Variants in SLC23A2 observed in about 807,000 individuals in gnomAD.
SLC23A2 encodes the protein solute carrier family 23 member 2, also known as Na(+)/L-ascorbic acid transporter 2.
SLC23A2 carries 36 observed loss-of-function variants against 73.3 expected under a neutral mutation model. That is an observed-to-expected ratio of 0.49 (90% confidence interval 0.38 to 0.65). The LOEUF (loss-of-function observed/expected upper bound fraction) is 0.65, where lower values mean the gene tolerates loss of function less well. SLC23A2 is among the 30% of genes least tolerant of loss of function. The pLI, the probability that SLC23A2 is intolerant of heterozygous loss-of-function variation, is 0.00. For missense variants in SLC23A2, 507 were observed against 841.6 expected, an observed-to-expected ratio of 0.60 and a Z score of 4.92; for synonymous variants, 343 against 327.3, an observed-to-expected ratio of 1.05 and a Z score of -0.52.
chr20:4,887,142 G>GA (rs1931134080), intron 6 of SLC23A2, among the ~76,000 whole-genome samples: 2 of 152,200 alleles, frequency 1.3e-5, no homozygotes, highest in South Asian at 4.1e-4. Context: ...CAAACCAGAT[G>GA]CATTGCTGTT....
chr20:5,003,077 T>C (rs1388391297), upstream of SLC23A2, among the ~76,000 whole-genome samples: 1 of 152,046 alleles, frequency 6.6e-6, no homozygotes, highest in African/African-American at 2.4e-5. Flanking sequence ...CCGTTGAAGA[T>C]GGAGAAAATA....
At chr20:4,861,873 T>C (rs1471492850) in intron 15 of SLC23A2, 75 bp downstream of exon 15, 5 of 1,521,158 alleles carry the variant, frequency 3.3e-6, no homozygotes, top group Non-Finnish European at 3.6e-6. Context: ...TCCTCTCCAA[T>C]GGGCAAAGAG....
chr20:4,887,293 C>A (rs1324536202), intron 6 of SLC23A2, among the ~76,000 whole-genome samples: 2 of 152,198 alleles, frequency 1.3e-5, no homozygotes, highest in Non-Finnish European at 2.9e-5. Flanking sequence ...TCTAGGTATT[C>A]CATAAGCACA....
At chr20:4,924,233 T>G (rs1410968405) in intron 3 of SLC23A2, among the ~76,000 whole-genome samples, 1 of 152,156 alleles carries the variant, frequency 6.6e-6, no homozygotes, top group Admixed American at 6.5e-5. Context: ...TGCCCCTTCT[T>G]TTCAAAGCTC....
Position 4,863,097 on chromosome 20 carries a change from C to T in SLC23A2, c.1357-190G>A, listed in dbSNP as rs549311715. Among the ~76,000 whole-genome samples, 19 of 152,184 alleles carry T rather than the reference C, an allele frequency of 1.2e-4. No individual in the cohort carries two copies. The highest frequency in any genetic ancestry group is 2.1e-4 in the Non-Finnish European group (14 of 68,032). ...CCTCTGCATCTCCAAGCCTTGGTGA[C>T]ACTCCCTGCACTCAGGCCTCAGGGC... On this transcript the variant is annotated intron_variant, in intron 13 of 16. Transcript: ENST00000338244. The surrounding 1 kb of genome is among the most constrained non-coding windows in gnomAD (Gnocchi z 4.8).
chr20:4,926,708 G>C (rs975606512), intron 3 of SLC23A2, among the ~76,000 whole-genome samples: 2 of 151,744 alleles, frequency 1.3e-5, no homozygotes, highest in East Asian at 1.9e-4. Context: ...TGAGTCCTGG[G>C]GCCTGGCACA....
At chr20:5,007,556 A>G (rs2088204600) in intron 1 of SLC23A2, among the ~76,000 whole-genome samples, 1 of 152,166 alleles carries the variant, frequency 6.6e-6, no homozygotes, top group African/African-American at 2.4e-5. Flanking sequence ...AAAAAAGTAA[A>G]CAATTGTAAA....
intron 3 of SLC23A2, among the ~76,000 whole-genome samples, chr20:4,916,545 G>A (rs772612737): frequency 5.9e-5 from 9 of 151,808 alleles, no homozygotes; most frequent in Non-Finnish European, 7.4e-5. Flanking sequence ...ACTTCACCTC[G>A]ATACATTAAA....
At chr20:4,904,475 A>AC (rs397694128) in intron 4 of SLC23A2, among the ~76,000 whole-genome samples, 9 of 151,508 alleles carry the variant, frequency 5.9e-5, no homozygotes, top group African/African-American at 1.5e-4. Context: ...CAAAAAAAAA[A>AC]CCCTTAACTG....
At chr20:4,874,766 T>C (rs1051733355) in intron 9 of SLC23A2, 70 bp from the exon 10 acceptor site, 232 of 1,343,560 alleles carry the variant, frequency 1.7e-4, no homozygotes, top group Non-Finnish European at 2.1e-4. Flanking sequence ...CACTCGAAGC[T>C]TCTATGGCAA....
chr20:4,907,288 T>C (rs74333140), intron 4 of SLC23A2, among the ~76,000 whole-genome samples: 8,017 of 152,126 alleles, frequency 0.053, 256 homozygotes, highest in African/African-American at 0.077. Flanking sequence ...GTGACATCTA[T>C]AGATCCCACA....
At chr20:4,986,654 ACACACAC>A (rs2087833718) in intron 1 of SLC23A2, among the ~76,000 whole-genome samples, 1 of 77,582 alleles carries the variant, frequency 1.3e-5, no homozygotes, top group Non-Finnish European at 2.4e-5. Context: ...ACACATACAC[ACACACAC>A]ACACACACAC....
intron 4 of SLC23A2, among the ~76,000 whole-genome samples, chr20:4,905,072 C>T (rs1389284677): frequency 6.9e-6 from 1 of 144,808 alleles, no homozygotes; most frequent in Non-Finnish European, 1.5e-5. Context: ...CAAGATCACA[C>T]CACTGCACTC....
At position 4,898,304 on chromosome 20, in the gene SLC23A2, C is replaced by T. The variant is rs557311065; in HGVS notation, c.482+1251G>A. Among the ~76,000 whole-genome samples, 3 of 152,326 alleles carry T rather than the reference C, an allele frequency of 2.0e-5. No individual in the cohort carries two copies. The East Asian group carries it at 5.8e-4, about 29-fold the overall frequency. ...CACATAGCTTCTTTCCATCAGCAGA[C>T]CTGCAGCCTACCCTCCCAGGGTGTG... is the stretch of plus-strand genomic sequence containing the variant. On this transcript the variant is annotated intron_variant, in intron 6 of 16. Coordinates refer to ENST00000338244, the MANE Select transcript of SLC23A2 (RefSeq NM_005116.6).
chr20:4,906,655 C>CA (rs1206202846), intron 4 of SLC23A2, among the ~76,000 whole-genome samples: 1 of 151,946 alleles, frequency 6.6e-6, no homozygotes, highest in Non-Finnish European at 1.5e-5. Flanking sequence ...AACCAAAAAA[C>CA]AAAAAACCCA....
chr20:4,887,979 T>C (rs1371280329), intron 6 of SLC23A2, among the ~76,000 whole-genome samples: 1 of 152,120 alleles, frequency 6.6e-6, no homozygotes, highest in Non-Finnish European at 1.5e-5. Context: ...CTTTTTTAGG[T>C]GCTTGCCCAG....
At position 4,883,779 on chromosome 20, in the gene SLC23A2, G is replaced by T. The variant is rs559836828; in HGVS notation, c.687C>A (p.Ile229=). 1 of 1,613,364 alleles carries T rather than the reference G, an allele frequency of 6.2e-7. No individual in the cohort carries two copies. The highest frequency in any genetic ancestry group is 1.3e-5 in the African/African-American group (1 of 74,882). Residue 229 remains isoleucine, a synonymous_variant, in exon 9 of 17, where the codon ATC becomes ATA. Transcript: ENST00000338244. This position sits in a 1 kb window ranked among gnomAD's most constrained non-coding sequence, Gnocchi z 4.5. ...IIMSSLIEVV[I]GLLGLPGALL... Reference sequence around the variant, plus strand: ...GAGCCCCAGGCAGGCCGAGGAGGCCGATGACTACTTCTATCAGTGAGGACA... The same window carrying T: ...GAGCCCCAGGCAGGCCGAGGAGGCCTATGACTACTTCTATCAGTGAGGACA...
intron 3 of SLC23A2, 100 bp downstream of exon 3, chr20:4,932,355 C>A (rs1004394658): frequency 1.3e-6 from 1 of 778,216 alleles, no homozygotes. Context: ...AATGCCTTAA[C>A]CTTCACTGAA....
rs1166466680 is a variant in SLC23A2 at position 4,856,774 on chromosome 20, G to C, written c.*198C>G. ...CACTCTCAAAGGGCAAGGAGTTAAG[G>C]GCTTAAATAAGGAGATAGGCGAGAC... On this transcript the variant is annotated 3_prime_UTR_variant, in exon 17 of 17. Transcript: ENST00000338244. The surrounding 1 kb of genome is among the most constrained non-coding windows in gnomAD (Gnocchi z 4.6). The C allele has an allele frequency of 5.2e-6, 3 of 574,166 alleles. No individual in the cohort carries two copies. Among genetic ancestry groups the C allele is most frequent in the Non-Finnish European group, 9.3e-6 (3 of 322,342 alleles). The allele number at this position is 574,166 out of a possible 1,614,324, so 35.6% of individuals were successfully genotyped here.
Sources: gnomAD v4.1 joint callset for allele counts (sites outside exome capture counted in the v4.1 genomes callset) on GRCh38, gnomAD v4.1.1 for gene constraint, Gnocchi (gnomAD v3.1) non-coding constraint, MANE v1.5 for transcripts, NCBI Gene and HGNC (gene_info 2026-07-23, HGNC 2026-07-21) for gene names.